The following GPCPD1 variants were observed in gnomAD, a reference collection of about 807,000 sequenced individuals.
GPCPD1 encodes glycerophosphocholine phosphodiesterase 1.
A neutral mutation model predicts 89.2 loss-of-function variants in GPCPD1; 29 were observed. The ratio of observed to expected loss-of-function variants is 0.33; its 90% CI spans 0.24 to 0.44. The LOEUF is 0.44. Among genes scored for constraint, GPCPD1 ranks in the 20% least tolerant of loss-of-function variants. The pLI is 1.00. For missense variants in GPCPD1, 594 were observed against 808.9 expected, an observed-to-expected ratio of 0.73 and a Z score of 3.22; for synonymous variants, 258 against 266.3, an observed-to-expected ratio of 0.97 and a Z score of 0.30.
intron 6 of GPCPD1, among the ~76,000 whole-genome samples, chr20:5,581,814 C>CTTTTTTTTTTTTTTTT (rs11479995): frequency 8.0e-5 from 6 of 75,026 alleles, no homozygotes; most frequent in African/African-American, 3.8e-4. Context: ...GGGACTTTAA[C>CTTTTTTTTTTTTTTTT]TTTTTTTTTT....
chr20:5,547,692 G>C lies in GPCPD1; in HGVS notation c.1988C>G (p.Ala663Gly), dbSNP rs1171510570. The change falls in exon 20 of 20, where the codon GCC (alanine) becomes GGC (glycine). Residue 663 changes from alanine to glycine, a missense_variant. Ala to Gly is a moderately conservative substitution (Grantham distance 60, BLOSUM62 0). Transcript: ENST00000379019. The part of the protein sequence containing the change: ...LCGESDIHVD[A>G]NGIDNVENA ...ATTCTCCACGTTATCAATGCCGTTG[G>C]CATCCACATGGATATCAGACTCCCC... The C allele has an allele frequency of 6.2e-7, 1 of 1,605,756 alleles. No individual in the cohort carries two copies. Among genetic ancestry groups the C allele is most frequent in the Non-Finnish European group, 8.5e-7 (1 of 1,173,982 alleles).
intron 8 of GPCPD1, 38 bp downstream of exon 8, chr20:5,578,342 C>T (rs1356001982): frequency 9.3e-6 from 11 of 1,179,850 alleles, no homozygotes; most frequent in Admixed American, 5.1e-5. Context: ...CTTGTCCCTG[C>T]ATTCTTTCTC....
chr20:5,592,985 C>T (rs1231971934), intron 4 of GPCPD1, among the ~76,000 whole-genome samples: 1 of 152,142 alleles, frequency 6.6e-6, no homozygotes, highest in African/African-American at 2.4e-5. Flanking sequence ...GTATTTACAT[C>T]ACATAAGGAT....
chr20:5,586,658 T>C (rs1454308599), intron 4 of GPCPD1, among the ~76,000 whole-genome samples: 1 of 152,232 alleles, frequency 6.6e-6, no homozygotes, highest in African/African-American at 2.4e-5. Context: ...AGATAAAGTA[T>C]GTACCTCCTG....
chr20:5,579,625 G>A (rs922393301), intron 7 of GPCPD1, among the ~76,000 whole-genome samples: 2 of 152,230 alleles, frequency 1.3e-5, no homozygotes, highest in African/African-American at 4.8e-5. Flanking sequence ...TGGGACTACA[G>A]TTGTGAGCCA....
At chr20:5,589,712 A>C (rs1600781310) in intron 4 of GPCPD1, among the ~76,000 whole-genome samples, 1 of 152,244 alleles carries the variant, frequency 6.6e-6, no homozygotes, top group Non-Finnish European at 1.5e-5. Context: ...CTCATTGTAC[A>C]TGCAATACTT....
At chr20:5,582,596 A>C (rs1978616260) in intron 6 of GPCPD1, among the ~76,000 whole-genome samples, 1 of 152,092 alleles carries the variant, frequency 6.6e-6, no homozygotes, top group Non-Finnish European at 1.5e-5. Flanking sequence ...AGCATCCAAA[A>C]TGAGGATGCA....
chr20:5,573,644 G>A (rs1485948463), intron 11 of GPCPD1, among the ~76,000 whole-genome samples: 2 of 152,192 alleles, frequency 1.3e-5, no homozygotes, highest in Non-Finnish European at 2.9e-5. Context: ...TACGGAGGCT[G>A]AGGTGGGAGG....
rs139964579 is a variant in GPCPD1 at position 5,579,724 on chromosome 20, C to T, written c.473+284G>A. Among the ~76,000 whole-genome samples the T allele has an allele frequency of 1.5e-3, 221 of 152,290 alleles. 1 individual carries two copies. The highest frequency in any genetic ancestry group is 5.2e-3 in the African/African-American group (215 of 41,564). On this transcript the variant is annotated intron_variant, in intron 7 of 19. Transcript: ENST00000379019. ...ATATCAATTTTACAACAAACTATTG[C>T]TACACTATGAAAATTTAAATAGAAA...
At chr20:5,573,827 TC>T in intron 11 of GPCPD1, 87 bp downstream of exon 11, 1 of 798,684 alleles carries the variant, frequency 1.3e-6, no homozygotes. Flanking sequence ...CAAGAGATAT[TC>T]CCCTAACTAT....
rs538682715 is a variant in GPCPD1, at chr20:5,565,458, G to C, written c.1268-380C>G. Among the ~76,000 whole-genome samples, 15 of 152,014 alleles carry C rather than the reference G, an allele frequency of 9.9e-5. No homozygotes were observed. The East Asian group carries it at 1.9e-3, about 20-fold the overall frequency. ...TGCTCAGGCTGATCTTGAACTCCTG[G>C]CCTCAAGCAATTCTCCCAACTTGGC... On this transcript the variant is annotated intron_variant, in intron 14 of 19. Transcript: ENST00000379019.
chr20:5,546,554 T>C lies in GPCPD1; in HGVS notation c.*1107A>G, dbSNP rs1336351388. On this transcript the variant is annotated 3_prime_UTR_variant, in exon 20 of 20. Transcript: ENST00000379019. The stretch of plus-strand genomic sequence containing the variant: ...CTGCTTCTAATCCAAGAAATCCTAG[T>C]ATAATCTGAAATACATGCATATACA... The C allele has an allele frequency of 1.3e-5, 2 of 152,238 alleles. No homozygotes were observed. The highest frequency in any genetic ancestry group is 4.8e-5 in the African/African-American group (2 of 41,460). 9.4% of individuals were successfully genotyped at this position (152,238 alleles called of 1,614,324 possible).
Position 5,567,562 on chromosome 20 carries a change from T to TAAAAAAAAAAAAAA in GPCPD1, c.1150-16_1150-3dup. 2.3e-6 allele frequency: 3 copies of TAAAAAAAAAAAAAA among 1,296,984 alleles called. No individual in the cohort carries two copies. Among genetic ancestry groups the TAAAAAAAAAAAAAA allele is most frequent in the Non-Finnish European group, 3.1e-6 (3 of 975,630 alleles). The allele number at this position is 1,296,984 out of a possible 1,614,324, so 80.3% of individuals were successfully genotyped here. ...TTCAACTGGATCAGCATCAAATTTC[T>TAAAAAAAAAAAAAA]AAAAAAAAAAAAAAAAGAAAGAAAG... is the stretch of plus-strand genomic sequence containing the variant. On this transcript the variant is annotated splice_region_variant and splice_polypyrimidine_tract_variant and intron_variant, in intron 12 of 19. Transcript: ENST00000379019.
At chr20:5,596,354 C>T (rs6053525) in intron 3 of GPCPD1, among the ~76,000 whole-genome samples, 110,463 of 151,950 alleles carry the variant, frequency 0.73, 41,476 homozygotes, top group African/African-American at 0.92. Flanking sequence ...ATCGTGTCAT[C>T]GCACTCCAGC....
At chr20:5,561,261 T>C (rs958421047) in intron 16 of GPCPD1, among the ~76,000 whole-genome samples, 10 of 152,246 alleles carry the variant, frequency 6.6e-5, no homozygotes, top group African/African-American at 2.4e-4. Flanking sequence ...TCTACAATAT[T>C]CATCATTAAT....
At chr20:5,605,747 C>CA (rs1328842269) in intron 1 of GPCPD1, among the ~76,000 whole-genome samples, 53 of 148,792 alleles carry the variant, frequency 3.6e-4, no homozygotes, top group South Asian at 1.5e-3. Flanking sequence ...CCTCCCCCTC[C>CA]AAAAAAAAAG....
chr20:5,556,934 G>A (rs1048133015), intron 19 of GPCPD1, among the ~76,000 whole-genome samples: 2 of 152,212 alleles, frequency 1.3e-5, no homozygotes, highest in African/African-American at 4.8e-5. Context: ...TATGTGGTGT[G>A]TCAGATGATG....
At chr20:5,570,886 CAGA>C (rs1986677348) in intron 11 of GPCPD1, among the ~76,000 whole-genome samples, 1 of 151,936 alleles carries the variant, frequency 6.6e-6, no homozygotes, top group African/African-American at 2.4e-5. Context: ...CAGATCCACA[CAGA>C]AGGAGCAGGA....
At chr20:5,549,556 A>G in intron 19 of GPCPD1, 2 of 854,432 alleles carry the variant, frequency 2.3e-6, no homozygotes, top group East Asian at 3.4e-5. Context: ...TTGGAGCTGA[A>G]TCAAAGCCTC....
Sources: allele counts gnomAD v4.1 joint callset (sites outside exome capture counted in the v4.1 genomes callset), GRCh38; gene constraint gnomAD v4.1.1; transcripts MANE v1.5; gene names NCBI Gene and HGNC (gene_info 2026-07-23, HGNC 2026-07-21).